Variants in KLHL1 observed in about 807,000 individuals in gnomAD.
KLHL1 encodes the protein kelch-like protein 1.
KLHL1 carries 47 observed loss-of-function variants against 77.7 expected under a neutral mutation model. The observed-to-expected ratio is 0.60, with a 90% CI of 0.48 to 0.77. The LOEUF (loss-of-function observed/expected upper bound fraction) is 0.77, where lower values mean the gene tolerates loss of function less well. Ranked by LOEUF, KLHL1 falls within the 30% of genes least tolerant of loss-of-function variation. The probability of loss-of-function intolerance (pLI) is 0.00; values close to 1 mark genes in which losing one functional copy is unlikely to be tolerated. For missense variants in KLHL1, 925 were observed against 910.8 expected (o/e 1.02, Z -0.20); for synonymous variants, 360 against 325.2 (o/e 1.11, Z -1.15).
intron 5 of KLHL1, among the ~76,000 whole-genome samples, chr13:69,880,136 A>G (rs1416367348): frequency 6.6e-6 from 1 of 152,110 alleles, no homozygotes; most frequent in East Asian, 1.9e-4. Flanking sequence ...TTGCAGGAAA[A>G]CCTGATTTTC....
At chr13:69,818,447 T>C (rs1490846565) in intron 6 of KLHL1, among the ~76,000 whole-genome samples, 3 of 151,880 alleles carry the variant, frequency 2.0e-5, no homozygotes, top group Non-Finnish European at 4.4e-5. Flanking sequence ...TCTCCATCTC[T>C]TGACCTCGTG....
chr13:70,068,370 C>CAAAAACA (rs755611094), intron 1 of KLHL1, among the ~76,000 whole-genome samples: 2,825 of 115,488 alleles, frequency 0.024, 90 homozygotes, highest in African/African-American at 0.079. Flanking sequence ...AAAACAAAAA[C>CAAAAACA]AAAAAAAAAG....
intron 1 of KLHL1, among the ~76,000 whole-genome samples, chr13:70,082,352 CACACACACACACACACA>C (rs1278105932): frequency 1.4e-3 from 200 of 147,932 alleles, no homozygotes; most frequent in African/African-American, 4.3e-3. Flanking sequence ...CACACACACA[CACACACACACACACACA>C]AAGGAACCAT....
intron 4 of KLHL1, among the ~76,000 whole-genome samples, chr13:69,923,974 G>T (rs1322252328): frequency 1.3e-5 from 2 of 152,202 alleles, no homozygotes; most frequent in African/African-American, 4.8e-5. Context: ...CCTACTCCCG[G>T]CACCTGCTCT....
intron 1 of KLHL1, among the ~76,000 whole-genome samples, chr13:69,977,438 ATAAAT>A (rs1284704819): frequency 6.6e-6 from 1 of 152,148 alleles, no homozygotes; most frequent in Admixed American, 6.5e-5. Flanking sequence ...GGTATGAAAA[ATAAAT>A]TAATAGAAAA....
At chr13:70,078,678 G>C (rs751114248) in intron 1 of KLHL1, among the ~76,000 whole-genome samples, 10 of 152,186 alleles carry the variant, frequency 6.6e-5, no homozygotes, top group South Asian at 2.1e-4. Flanking sequence ...AGGTCCAGCT[G>C]ATCTTTGCGA....
chr13:69,816,471 C>A (rs1028979507), intron 6 of KLHL1, among the ~76,000 whole-genome samples: 1 of 151,742 alleles, frequency 6.6e-6, no homozygotes, highest in Non-Finnish European at 1.5e-5. Context: ...ACCATGTTGG[C>A]CAGGCTGGTC....
intron 1 of KLHL1, among the ~76,000 whole-genome samples, chr13:70,066,396 TA>T (rs1887006033): frequency 2.6e-5 from 4 of 152,146 alleles, no homozygotes; most frequent in Admixed American, 2.6e-4. Context: ...GATAAGAACT[TA>T]AGTAAGACAT....
intron 1 of KLHL1, among the ~76,000 whole-genome samples, chr13:69,979,181 A>G (rs955971478): frequency 2.0e-5 from 3 of 151,850 alleles, no homozygotes; most frequent in Admixed American, 1.3e-4. Flanking sequence ...AAAAAAAATA[A>G]ATAAGTTCCA....
chr13:70,069,151 G>T (rs904260934), intron 1 of KLHL1, among the ~76,000 whole-genome samples: 1 of 152,110 alleles, frequency 6.6e-6, no homozygotes. Context: ...CTAGTCATAA[G>T]GCTCTAGAAA....
At chr13:70,034,864 T>C (rs1323493431) in intron 1 of KLHL1, among the ~76,000 whole-genome samples, 2 of 152,166 alleles carry the variant, frequency 1.3e-5, no homozygotes, top group African/African-American at 2.4e-5. Flanking sequence ...GGTTAGTCAA[T>C]AGTTACATCT....
chr13:69,998,339 C>T (rs1885207082), intron 1 of KLHL1, among the ~76,000 whole-genome samples: 1 of 151,732 alleles, frequency 6.6e-6, no homozygotes, highest in African/African-American at 2.4e-5. Flanking sequence ...AGAATTAGAG[C>T]TCACACAATG....
intron 10 of KLHL1, among the ~76,000 whole-genome samples, chr13:69,704,571 AAAG>A (rs1418310681): frequency 3.3e-5 from 5 of 151,712 alleles, no homozygotes; most frequent in African/African-American, 1.2e-4. Context: ...ATATTTCCTG[AAAG>A]AAGATTTCTC....
At chr13:69,935,232 A>T (rs1883146350) in intron 4 of KLHL1, among the ~76,000 whole-genome samples, 1 of 147,470 alleles carries the variant, frequency 6.8e-6, no homozygotes, top group African/African-American at 2.5e-5. Flanking sequence ...TACATAGTTC[A>T]CCCACTGGTG....
chr13:69,795,510 C>T (rs906701309), intron 7 of KLHL1, among the ~76,000 whole-genome samples: 9 of 152,188 alleles, frequency 5.9e-5, no homozygotes, highest in Non-Finnish European at 1.3e-4. Flanking sequence ...GTAATTTGTA[C>T]TTCTCCTTAC....
Position 70,035,963 on chromosome 13 carries a change from A to G in KLHL1, c.498-60161T>C, listed in dbSNP as rs1886228515. 2.0e-5 allele frequency among the ~76,000 whole-genome samples: 3 copies of G among 152,184 alleles called. No individual in the cohort carries two copies. In the South Asian group the frequency reaches 6.2e-4, roughly 32 times the overall value. ...ATATCATTGCTTTAGCAATTATGTAATACATTATTATTTAATAATGTTTAC... is the reference window on the plus strand; with the variant it reads ...ATATCATTGCTTTAGCAATTATGTAGTACATTATTATTTAATAATGTTTAC... On this transcript the variant is annotated intron_variant, in intron 1 of 10. Coordinates refer to ENST00000377844, the MANE Select transcript of KLHL1 (RefSeq NM_020866.3).
intron 5 of KLHL1, among the ~76,000 whole-genome samples, chr13:69,844,578 TG>T (rs2138120128): frequency 6.6e-6 from 1 of 151,736 alleles, no homozygotes; most frequent in East Asian, 1.9e-4. Context: ...AGCATTACTG[TG>T]GGGGTTAGGC....
intron 5 of KLHL1, among the ~76,000 whole-genome samples, chr13:69,841,317 C>A (rs1879254564): frequency 6.6e-6 from 1 of 150,998 alleles, no homozygotes; most frequent in African/African-American, 2.4e-5. Flanking sequence ...CTAGAAAAAC[C>A]AAAAGACTCA....
intron 5 of KLHL1, among the ~76,000 whole-genome samples, chr13:69,865,886 C>T (rs530851761): frequency 5.3e-5 from 8 of 152,018 alleles, no homozygotes; most frequent in East Asian, 1.9e-4. Flanking sequence ...ATATTTCAGG[C>T]GTAATTTATT....
Sources: gnomAD v4.1 joint callset for allele counts (sites outside exome capture counted in the v4.1 genomes callset) on GRCh38, gnomAD v4.1.1 for gene constraint, MANE v1.5 for transcripts, NCBI Gene and HGNC (gene_info 2026-07-23, HGNC 2026-07-21) for gene names.